Variants in ADCK1 observed in about 807,000 individuals in gnomAD.
The protein encoded by ADCK1 is aarF domain-containing protein kinase 1.
Under a neutral mutation model 52.3 loss-of-function variants are expected in ADCK1, and 41 were observed. That is an observed-to-expected ratio of 0.78 (90% confidence interval 0.61 to 1.02). ADCK1 has a LOEUF of 1.02. Ranked by LOEUF, ADCK1 falls within the 50% of genes least tolerant of loss-of-function variation. The pLI, the probability that ADCK1 is intolerant of heterozygous loss-of-function variation, is 0.00. For synonymous variants in ADCK1, 250 were observed against 274.6 expected (o/e 0.91, Z 0.89); for missense variants, 658 against 679.5 (o/e 0.97, Z 0.35).
intron 3 of ADCK1, among the ~76,000 whole-genome samples, chr14:77,844,372 C>G (rs970382645): frequency 1.3e-5 from 2 of 152,158 alleles, no homozygotes; most frequent in Admixed American, 6.6e-5. Context: ...TGAGCCACCA[C>G]GCCTGGCCTG....
intron 4 of ADCK1, among the ~76,000 whole-genome samples, chr14:77,878,186 C>A (rs2082940407): frequency 6.6e-6 from 1 of 152,234 alleles, no homozygotes; most frequent in Non-Finnish European, 1.5e-5. Context: ...TGGATTTACT[C>A]CTCAAATGCC....
rs1208818912 is a variant in ADCK1 at position 77,907,821 on chromosome 14, G to C, written c.760G>C (p.Asp254His). Residue 254 changes from aspartate (D) to histidine (H), a missense_variant, in exon 7 of 11, where the codon GAC becomes CAC. Transcript: ENST00000238561. ...DFLKVPRIHWDLSTERVLLME... is the reference protein window; with the variant it reads ...DFLKVPRIHWHLSTERVLLME... ...ATCCCAGGTCCCCCGAATCCACTGG[G>C]ACCTGTCCACGGAGCGGGTCCTCCT... 2 of 1,613,930 alleles carry C rather than the reference G, an allele frequency of 1.2e-6. No homozygotes were observed. The highest frequency in any genetic ancestry group is 8.5e-7 in the Non-Finnish European group (1 of 1,179,882).
chr14:77,883,049 A>G (rs569417334), intron 4 of ADCK1, among the ~76,000 whole-genome samples: 1 of 149,416 alleles, frequency 6.7e-6, no homozygotes, highest in Non-Finnish European at 1.5e-5. Context: ...AAACCAAATG[A>G]TAAAAAGCCA....
At chr14:77,856,671 C>T (rs983363197) in intron 3 of ADCK1, among the ~76,000 whole-genome samples, 7 of 152,174 alleles carry the variant, frequency 4.6e-5, no homozygotes, top group Non-Finnish European at 1.0e-4. Context: ...TATTCACTGC[C>T]TCCCTCCCAA....
intron 1 of ADCK1, among the ~76,000 whole-genome samples, chr14:77,815,282 C>T (rs1165669289): frequency 6.8e-6 from 1 of 147,318 alleles, no homozygotes; most frequent in East Asian, 2.0e-4. Context: ...TGGCTCATTT[C>T]AGCCTCGAGA....
At chr14:77,843,563 T>C (rs1000815897) in intron 3 of ADCK1, among the ~76,000 whole-genome samples, 1 of 152,172 alleles carries the variant, frequency 6.6e-6, no homozygotes, top group African/African-American at 2.4e-5. Context: ...TGTGGGCATC[T>C]GGGTTTGTCT....
chr14:77,806,105 G>A (rs2081220624), intron 1 of ADCK1, among the ~76,000 whole-genome samples: 1 of 149,682 alleles, frequency 6.7e-6, no homozygotes, highest in South Asian at 2.1e-4. Flanking sequence ...GAGGTCAGGA[G>A]TTTGAGAGAT....
intron 3 of ADCK1, among the ~76,000 whole-genome samples, chr14:77,848,425 C>G (rs925571503): frequency 3.3e-5 from 5 of 152,160 alleles, no homozygotes; most frequent in African/African-American, 1.2e-4. Context: ...TTACCTGGGT[C>G]AGGTGAGATA....
chr14:77,818,195 G>A (rs546006217), intron 1 of ADCK1, among the ~76,000 whole-genome samples: 3 of 152,286 alleles, frequency 2.0e-5, no homozygotes, highest in East Asian at 3.9e-4. Flanking sequence ...GTGCATTGTG[G>A]TATCATGATA....
At position 77,921,326 on chromosome 14, in the gene ADCK1, C is replaced by CAAAAAAAAA. The variant is rs756056466; in HGVS notation, c.859-3117_859-3109dup. Among the ~76,000 whole-genome samples the CAAAAAAAAA allele has an allele frequency of 4.4e-3, 179 of 40,994 alleles. 5 individuals carry two copies. The East Asian group carries it at 0.061, about 14-fold the overall frequency. 26.9% of individuals were successfully genotyped at this position (40,994 alleles called of 152,430 possible). The stretch of plus-strand genomic sequence containing the variant: ...TGGGCGACAGAGTGAGACTCTGTCT[C>CAAAAAAAAA]AAAAAAAAAAAAAAAAAAAAAAGAA... On this transcript the variant is annotated intron_variant, in intron 7 of 10. Coordinates refer to ENST00000238561, the MANE Select transcript of ADCK1 (RefSeq NM_020421.4).
At chr14:77,849,158 T>G (rs1225407533) in intron 3 of ADCK1, among the ~76,000 whole-genome samples, 1 of 152,142 alleles carries the variant, frequency 6.6e-6, no homozygotes, top group Non-Finnish European at 1.5e-5. Flanking sequence ...CACTGCAGCC[T>G]CAAACTCCTT....
chr14:77,879,773 C>G (rs916978201), intron 4 of ADCK1, among the ~76,000 whole-genome samples: 8 of 152,146 alleles, frequency 5.3e-5, no homozygotes, highest in Non-Finnish European at 8.8e-5. Context: ...GTGGCTTACA[C>G]TCACTGATGG....
At chr14:77,811,793 A>G (rs1594854336) in intron 1 of ADCK1, among the ~76,000 whole-genome samples, 1 of 152,270 alleles carries the variant, frequency 6.6e-6, no homozygotes, top group Non-Finnish European at 1.5e-5. Context: ...TGAGTGGCAG[A>G]GTAAACCCCT....
At chr14:77,828,244 G>C (rs2081762613) in intron 3 of ADCK1, among the ~76,000 whole-genome samples, 1 of 152,116 alleles carries the variant, frequency 6.6e-6, no homozygotes, top group Non-Finnish European at 1.5e-5. Context: ...AATTACAGAC[G>C]TAAGCCACCA....
intron 4 of ADCK1, among the ~76,000 whole-genome samples, chr14:77,871,626 C>A (rs897187984): frequency 6.6e-6 from 1 of 152,140 alleles, no homozygotes; most frequent in East Asian, 1.9e-4. Context: ...CCAAAGTGCC[C>A]GGCCCTAACT....
chr14:77,885,460 C>G (rs79177431), intron 4 of ADCK1, among the ~76,000 whole-genome samples: 1 of 152,126 alleles, frequency 6.6e-6, no homozygotes, highest in Non-Finnish European at 1.5e-5. Flanking sequence ...TTCATCTGGG[C>G]AGGTTGTTGA....
chr14:77,872,478 T>C (rs1236040006), intron 4 of ADCK1, among the ~76,000 whole-genome samples: 1 of 151,946 alleles, frequency 6.6e-6, no homozygotes, highest in Non-Finnish European at 1.5e-5. Flanking sequence ...ATAAGGTGGC[T>C]GAGGAGGTTC....
intron 8 of ADCK1, among the ~76,000 whole-genome samples, chr14:77,925,455 A>G (rs2084167881): frequency 6.6e-6 from 1 of 152,242 alleles, no homozygotes; most frequent in Admixed American, 6.5e-5. Flanking sequence ...ACATTCCGTC[A>G]GTTGGGCTCA....
At chr14:77,912,557 G>A (rs940548935) in intron 7 of ADCK1, among the ~76,000 whole-genome samples, 9 of 151,986 alleles carry the variant, frequency 5.9e-5, no homozygotes, top group African/African-American at 1.9e-4. Context: ...GGTACTCAGC[G>A]AGCCAGCCCT....
Sources: allele counts gnomAD v4.1 joint callset (sites outside exome capture counted in the v4.1 genomes callset), GRCh38; gene constraint gnomAD v4.1.1; transcripts MANE v1.5; gene names NCBI Gene and HGNC (gene_info 2026-07-23, HGNC 2026-07-21).